Variants in SLC23A2 observed in about 807,000 individuals in gnomAD.
SLC23A2 encodes the protein solute carrier family 23 member 2, also known as Na(+)/L-ascorbic acid transporter 2.
In SLC23A2, 36 loss-of-function variants were observed where a neutral mutation model predicts 73.3. The observed-to-expected ratio is 0.49, with a 90% CI of 0.38 to 0.65. The LOEUF is 0.65. SLC23A2 is among the 30% of genes least tolerant of loss of function. The pLI is 0.00. For synonymous variants in SLC23A2, 343 were observed against 327.3 expected, an observed-to-expected ratio of 1.05 and a Z score of -0.52; for missense variants, 507 against 841.6, an observed-to-expected ratio of 0.60 and a Z score of 4.92.
At chr20:4,988,818 A>T (rs1230466958) in intron 1 of SLC23A2, among the ~76,000 whole-genome samples, 1 of 151,924 alleles carries the variant, frequency 6.6e-6, no homozygotes, top group Non-Finnish European at 1.5e-5. Context: ...AGGCTGAGAC[A>T]GGAGAAGCGC....
At position 4,998,693 on chromosome 20, in the gene SLC23A2, T is replaced by C. The variant is rs1319566412; in HGVS notation, c.-282+2713A>G. ...GGCCAGGAAACGGTTCAGGAAGGAC[T>C]GTAAGATGTTTAAATTTAAAAAGCC... On this transcript the variant is annotated intron_variant, in intron 1 of 16. Coordinates refer to ENST00000338244, the MANE Select transcript of SLC23A2 (RefSeq NM_005116.6). The surrounding 1 kb of genome is among the most constrained non-coding windows in gnomAD (Gnocchi z 4.1). Among the ~76,000 whole-genome samples the C allele has an allele frequency of 1.3e-5, 2 of 152,212 alleles. No homozygotes were observed. The highest frequency in any genetic ancestry group is 4.8e-5 in the African/African-American group (2 of 41,458).
At chr20:4,955,824 T>C (rs2087278817) in intron 2 of SLC23A2, among the ~76,000 whole-genome samples, 2 of 151,644 alleles carry the variant, frequency 1.3e-5, no homozygotes, top group African/African-American at 2.4e-5. Context: ...GTACTGTATA[T>C]ATACATGTGC....
intron 15 of SLC23A2, among the ~76,000 whole-genome samples, chr20:4,859,889 G>A (rs1296510643): frequency 1.3e-5 from 2 of 152,156 alleles, no homozygotes; most frequent in Non-Finnish European, 2.9e-5. Flanking sequence ...CCATGAATAT[G>A]ACATATTAAA....
At chr20:4,945,508 T>A (rs1295330766) in intron 2 of SLC23A2, among the ~76,000 whole-genome samples, 2 of 152,150 alleles carry the variant, frequency 1.3e-5, no homozygotes, top group South Asian at 2.1e-4. Context: ...GGTCTCGAAC[T>A]CCTGAGCTCA....
rs747158525 is a variant in SLC23A2, at chr20:4,872,395, G to A, written c.1102+1541C>T. On this transcript the variant is annotated intron_variant, in intron 11 of 16. Coordinates refer to ENST00000338244, the MANE Select transcript of SLC23A2 (RefSeq NM_005116.6). The surrounding 1 kb of genome is among the most constrained non-coding windows in gnomAD (Gnocchi z 4.4). ...GCTCACGGCCAGCACAACCTCAGGC[G>A]CTCTGTCTACTAAGTTTCGCCTTCT... Among the ~76,000 whole-genome samples, 19 of 152,160 alleles carry A rather than the reference G, an allele frequency of 1.2e-4. No homozygotes were observed. Among genetic ancestry groups the A allele is most frequent in the Non-Finnish European group, 2.2e-4 (15 of 68,032 alleles).
At chr20:4,941,155 C>CAA (rs113408496) in intron 2 of SLC23A2, among the ~76,000 whole-genome samples, 1 of 130,436 alleles carries the variant, frequency 7.7e-6, no homozygotes. Flanking sequence ...GACTCTGTCT[C>CAA]AAAAAAAAAA....
intron 4 of SLC23A2, among the ~76,000 whole-genome samples, chr20:4,903,082 G>A (rs1258214262): frequency 4.3e-5 from 2 of 46,564 alleles, no homozygotes; most frequent in Non-Finnish European, 1.0e-4. Context: ...AACGTTAGGT[G>A]AAAAGAGTAA....
rs373507970 is a variant in SLC23A2, at chr20:4,988,538, C to T, written c.-282+12868G>A. Among the ~76,000 whole-genome samples, 5 of 151,124 alleles carry T rather than the reference C, an allele frequency of 3.3e-5. No individual in the cohort carries two copies. In the East Asian group the frequency reaches 7.8e-4, roughly 24 times the overall value. Reference sequence around the variant, plus strand: ...GGATCATGAGGTCAAGAGTTAGAGACCAGCCTGGCCAACATAGTGAAACCC... The same window carrying T: ...GGATCATGAGGTCAAGAGTTAGAGATCAGCCTGGCCAACATAGTGAAACCC... On this transcript the variant is annotated intron_variant, in intron 1 of 16. Transcript: ENST00000338244.
At position 4,984,757 on chromosome 20, in the gene SLC23A2, T is replaced by G. The variant is rs199592860; in HGVS notation, c.-281-13838A>C. Among the ~76,000 whole-genome samples, 6 of 152,212 alleles carry G rather than the reference T, an allele frequency of 3.9e-5. No individual in the cohort carries two copies. The East Asian group carries it at 1.2e-3, about 29-fold the overall frequency. Reference sequence around the variant, plus strand: ...AATCAAAAAAAGCAGCAATAACAGTTGTCAGCAAGGACACAGAGAAATTGG... The same window carrying G: ...AATCAAAAAAAGCAGCAATAACAGTGGTCAGCAAGGACACAGAGAAATTGG... On this transcript the variant is annotated intron_variant, in intron 1 of 16. Transcript: ENST00000338244.
chr20:4,978,925 G>T (rs1339877522), intron 1 of SLC23A2, among the ~76,000 whole-genome samples: 1 of 152,066 alleles, frequency 6.6e-6, no homozygotes, highest in East Asian at 1.9e-4. Flanking sequence ...GTTATTTAAG[G>T]CTATTATCTA....
intron 1 of SLC23A2, among the ~76,000 whole-genome samples, chr20:4,992,487 T>C (rs1047541675): frequency 1.5e-5 from 2 of 134,390 alleles, no homozygotes; most frequent in Non-Finnish European, 3.2e-5. Flanking sequence ...CCATGGGAAA[T>C]AAAAAAAGAT....
At chr20:4,911,137 G>A (rs1314804640) in intron 4 of SLC23A2, among the ~76,000 whole-genome samples, 1 of 152,192 alleles carries the variant, frequency 6.6e-6, no homozygotes. Context: ...AAGATGGACC[G>A]TGTGAAAGCT....
rs964322857 is a variant in SLC23A2, at chr20:4,998,516, C to G, written c.-282+2890G>C. On this transcript the variant is annotated intron_variant, in intron 1 of 16. Transcript: ENST00000338244. The surrounding 1 kb of genome is among the most constrained non-coding windows in gnomAD (Gnocchi z 4.1). ...TCAACCTAGAGGCTGCAATGCACAG[C>G]TTAACCTGGAGGAGGATGGTTCCCT... 6.6e-6 allele frequency among the ~76,000 whole-genome samples: 1 copy of G among 152,010 alleles called. No homozygotes were observed. Among genetic ancestry groups the G allele is most frequent in the Non-Finnish European group, 1.5e-5 (1 of 68,012 alleles).
chr20:4,864,354 C>A (rs1930107770), intron 13 of SLC23A2, among the ~76,000 whole-genome samples: 1 of 152,194 alleles, frequency 6.6e-6, no homozygotes, highest in African/African-American at 2.4e-5. Flanking sequence ...CTCAAAGGAC[C>A]AGGGTCAGCC....
intron 4 of SLC23A2, among the ~76,000 whole-genome samples, chr20:4,910,192 G>T (rs1257894160): frequency 6.6e-6 from 1 of 151,990 alleles, no homozygotes; most frequent in African/African-American, 2.4e-5. Context: ...GACCAACATG[G>T]TAAATCCCCA....
chr20:5,009,485 T>C (rs1322849278), intron 1 of SLC23A2, among the ~76,000 whole-genome samples: 1 of 152,180 alleles, frequency 6.6e-6, no homozygotes, highest in East Asian at 1.9e-4. Context: ...TGGAAATAAG[T>C]TGTTTTTCTG....
chr20:4,912,667 C>CAAAA (rs36084071), intron 4 of SLC23A2, among the ~76,000 whole-genome samples: 3 of 73,984 alleles, frequency 4.1e-5, no homozygotes, highest in African/African-American at 8.1e-5. Context: ...TTAAAACAAT[C>CAAAA]AAAAAAAAAA....
At chr20:4,877,880 G>A (rs898516593) in intron 9 of SLC23A2, among the ~76,000 whole-genome samples, 4 of 152,330 alleles carry the variant, frequency 2.6e-5, no homozygotes, top group Non-Finnish European at 5.9e-5. Flanking sequence ...GTCACTGACC[G>A]GCCGCACTAA....
chr20:4,911,807 T>C (rs1455531001), intron 4 of SLC23A2, among the ~76,000 whole-genome samples: 2 of 151,928 alleles, frequency 1.3e-5, no homozygotes, highest in African/African-American at 4.8e-5. Flanking sequence ...AATCGGGATA[T>C]CTGGACCTAC....
Sources: allele counts gnomAD v4.1 joint callset (sites outside exome capture counted in the v4.1 genomes callset), GRCh38; gene constraint gnomAD v4.1.1; non-coding constraint Gnocchi (gnomAD v3.1); transcripts MANE v1.5; gene names NCBI Gene and HGNC (gene_info 2026-07-23, HGNC 2026-07-21).